The following ZDHHC19 variants were observed in gnomAD, a reference collection of about 807,000 sequenced individuals.
The protein encoded by ZDHHC19 is zDHHC palmitoyltransferase 19.
Under a neutral mutation model 33.9 loss-of-function variants are expected in ZDHHC19, and 30 were observed. The observed-to-expected ratio is 0.88, with a 90% confidence interval of 0.66 to 1.20. The LOEUF (loss-of-function observed/expected upper bound fraction) is 1.20, where lower values mean the gene tolerates loss of function less well. ZDHHC19 is among the 50% of genes most tolerant of loss of function. The pLI, the probability that ZDHHC19 is intolerant of heterozygous loss-of-function variation, is 0.00. For missense variants in ZDHHC19, 364 were observed against 401.1 expected (o/e 0.91, Z 0.79); for synonymous variants, 178 against 167.6 (o/e 1.06, Z -0.48).
intron 1 of ZDHHC19, 114 bp downstream of exon 1, chr3:196,211,056 C>A: frequency 6.5e-7 from 1 of 1,538,270 alleles, no homozygotes; most frequent in East Asian, 2.3e-5. Flanking sequence ...AGAATATCCC[C>A]TTTTCCCTGA....
At chr3:196,210,382 GGA>G (rs749568281) in intron 2 of ZDHHC19, among the ~76,000 whole-genome samples, 813 of 30,850 alleles carry the variant, frequency 0.026, 24 homozygotes, top group African/African-American at 0.082. Context: ...GAAAGAGAGA[GGA>G]AGGAAGGAAA....
At chr3:196,198,175 A>C in intron 7 of ZDHHC19, 101 bp downstream of exon 7, 1 of 1,184,592 alleles carries the variant, frequency 8.4e-7, no homozygotes, top group Non-Finnish European at 1.1e-6. Context: ...CTCCAGCTTC[A>C]GGGTCAGCCA....
At position 196,200,570 on chromosome 3, in the gene ZDHHC19, G is replaced by A. The variant is rs573267980; in HGVS notation, c.688-1696C>T. 2.3e-3 allele frequency among the ~76,000 whole-genome samples: 344 copies of A among 150,004 alleles called. 5 individuals are homozygous for A. The highest frequency in any genetic ancestry group is 7.8e-3 in the African/African-American group (316 of 40,466). ...GGGGTTTCACCGTGTTAGCCAGGAT[G>A]GTCTCGATCTCCTGACCTCGTGATC... On this transcript the variant is annotated intron_variant, in intron 5 of 7. Coordinates refer to ENST00000296326, the MANE Select transcript of ZDHHC19 (RefSeq NM_001039617.2).
At chr3:196,201,292 T>C (rs1722329019) in intron 5 of ZDHHC19, among the ~76,000 whole-genome samples, 1 of 151,446 alleles carries the variant, frequency 6.6e-6, no homozygotes, top group African/African-American at 2.4e-5. Flanking sequence ...AGTCTCGAAC[T>C]CCTGACCTCA....
At chr3:196,209,208 G>A (rs559980781) in intron 3 of ZDHHC19, 168 bp downstream of exon 3, 1 of 925,946 alleles carries the variant, frequency 1.1e-6, no homozygotes, top group Non-Finnish European at 1.6e-6. Flanking sequence ...GACAGGTGCA[G>A]GTGGAGAACA....
At chr3:196,201,111 C>T (rs556647235) in intron 5 of ZDHHC19, among the ~76,000 whole-genome samples, 10 of 150,750 alleles carry the variant, frequency 6.6e-5, no homozygotes, top group South Asian at 2.1e-4. Flanking sequence ...CTCACTGTGT[C>T]GCCCAGGCTG....
Position 196,198,783 on chromosome 3 carries a change from A to G in ZDHHC19, c.773+6T>C. 6 of 1,613,902 alleles carry G rather than the reference A, an allele frequency of 3.7e-6. No homozygotes were observed. The highest frequency in any genetic ancestry group is 5.1e-6 in the Non-Finnish European group (6 of 1,179,938). On this transcript the variant is annotated splice_donor_region_variant and intron_variant, in intron 6 of 7. Transcript: ENST00000296326. The stretch of plus-strand genomic sequence containing the variant: ...CACCAGTTGGGCCTCTGGCTTGCCA[A>G]CTCACTTGGGTCCCAGTGGTGCACA...
At chr3:196,210,430 G>GAAAA (rs1227744943) in intron 2 of ZDHHC19, among the ~76,000 whole-genome samples, 186 bp downstream of exon 2, 1 of 119,938 alleles carries the variant, frequency 8.3e-6, no homozygotes, top group Non-Finnish European at 1.7e-5. Flanking sequence ...AGGAAAGAAA[G>GAAAA]AAAGAGAAAG....
Position 196,198,413 on chromosome 3 carries a change from CCCA to C in ZDHHC19, c.809_811del (p.Val270del). ...ATTCGGCATGGATGTCCAGTCAGGC[CCCA>C]CCACTCTCTGCAGCTGGACAGCTTC... On this transcript the variant is annotated inframe_deletion, in exon 7 of 8. Transcript: ENST00000296326. 2 of 1,552,356 alleles carry C rather than the reference CCCA, an allele frequency of 1.3e-6. No homozygotes were observed. Among genetic ancestry groups the C allele is most frequent in the Middle Eastern group, 3.5e-4 (2 of 5,746 alleles).
intron 1 of ZDHHC19, among the ~76,000 whole-genome samples, 167 bp downstream of exon 1, chr3:196,211,003 G>A (rs1310988829): frequency 2.6e-5 from 4 of 150,998 alleles, no homozygotes; most frequent in African/African-American, 4.9e-5. Flanking sequence ...TTCCCTGCCC[G>A]CACCCTTGAC....
Position 196,211,286 on chromosome 3 carries a change from C to A in ZDHHC19, c.30G>T (p.Leu10=). ...GAGGCAGGGGATGGGGCTCCTTCAC[C>A]AGCGGCGTGGCATCCGTTAAGAGTG... MTLLTDATP[L]VKEPHPLPLV... Residue 10 remains leucine (L), a synonymous_variant, in exon 1 of 8, where the codon CTG becomes CTT. Coordinates refer to ENST00000296326, the MANE Select transcript of ZDHHC19 (RefSeq NM_001039617.2). The A allele has an allele frequency of 6.2e-7, 1 of 1,613,852 alleles. No homozygotes were observed. Among genetic ancestry groups the A allele is most frequent in the Non-Finnish European group, 8.5e-7 (1 of 1,179,848 alleles).
Position 196,209,489 on chromosome 3 carries a change from C to G in ZDHHC19, c.295G>C (p.Val99Leu). The change falls in exon 3 of 8, where the codon GTG becomes CTG. Residue 99 changes from valine (V) to leucine (L), a missense_variant. Val to Leu is a conservative substitution (Grantham distance 32). Transcript: ENST00000296326. Reference protein sequence around the residue: ...QGSAEQGPLTVHVVWVNHGAF... With the variant: ...QGSAEQGPLTLHVVWVNHGAF... ...CCGTGGTTCACCCACACCACGTGCA[C>G]CGTCAAGGGGCCCTGCTCAGCGGAG... 6.2e-7 allele frequency: 1 copy of G among 1,613,012 alleles called. No individual in the cohort carries two copies. The highest frequency in any genetic ancestry group is 8.5e-7 in the Non-Finnish European group (1 of 1,179,766).
chr3:196,210,562 C>T, intron 2 of ZDHHC19, 54 bp downstream of exon 2: 2 of 1,611,382 alleles, frequency 1.2e-6, no homozygotes, highest in Non-Finnish European at 1.7e-6. Flanking sequence ...ATCCCCCCTG[C>T]AGGTTCCCAG....
intron 2 of ZDHHC19, among the ~76,000 whole-genome samples, chr3:196,210,285 A>AGAAGGAAGGAAGGAAG (rs10690372): frequency 2.9e-5 from 4 of 139,560 alleles, no homozygotes; most frequent in African/African-American, 1.1e-4. Context: ...AAAGAAAGAA[A>AGAAGGAAGGAAGGAAG]GAAGGAAGGA....
intron 5 of ZDHHC19, among the ~76,000 whole-genome samples, chr3:196,204,922 C>G (rs1368976387): frequency 6.6e-6 from 1 of 152,242 alleles, no homozygotes; most frequent in East Asian, 1.9e-4. Flanking sequence ...GCCTGGCCAA[C>G]ATGGTGAACC....
chr3:196,211,056 CT>C, intron 1 of ZDHHC19, 113 bp downstream of exon 1: 1 of 1,538,268 alleles, frequency 6.5e-7, no homozygotes, highest in South Asian at 1.2e-5. Flanking sequence ...AGAATATCCC[CT>C]TTTCCCTGAC....
chr3:196,198,927 G>A, intron 5 of ZDHHC19, 53 bp from the exon 6 acceptor site: 1 of 1,583,814 alleles, frequency 6.3e-7, no homozygotes, highest in Non-Finnish European at 8.7e-7. Flanking sequence ...GGAATGGCTG[G>A]GCCATCGCCC....
intron 4 of ZDHHC19, 31 bp from the exon 5 acceptor site, chr3:196,207,534 C>T (rs1357495822): frequency 1.1e-5 from 17 of 1,507,394 alleles, no homozygotes; most frequent in Non-Finnish European, 1.4e-5. Flanking sequence ...GGCTGCGGGA[C>T]CCCCACGCCT....
At chr3:196,200,410 A>G (rs1031278940) in intron 5 of ZDHHC19, among the ~76,000 whole-genome samples, 58 of 145,228 alleles carry the variant, frequency 4.0e-4, no homozygotes, top group Middle Eastern at 3.7e-3. Context: ...GCTGGAGTGC[A>G]GTGGCGCGAT....
Sources: allele counts gnomAD v4.1 joint callset (sites outside exome capture counted in the v4.1 genomes callset), GRCh38; gene constraint gnomAD v4.1.1; transcripts MANE v1.5; gene names NCBI Gene and HGNC (gene_info 2026-07-23, HGNC 2026-07-21).